PAK1: variants seen among roughly 807,000 people sequenced by gnomAD.
PAK1 encodes serine/threonine-protein kinase PAK 1.
Under a neutral mutation model 67.4 loss-of-function variants are expected in PAK1, and 29 were observed. The observed-to-expected ratio is 0.43, with a 90% CI of 0.32 to 0.59. PAK1 has a LOEUF of 0.59. Among genes scored for constraint, PAK1 ranks in the 20% least tolerant of loss-of-function variants. The pLI, the probability that PAK1 is intolerant of heterozygous loss-of-function variation, is 0.07. For missense variants in PAK1, 337 were observed against 670.7 expected (o/e 0.50, Z 5.50); for synonymous variants, 223 against 237.4 (o/e 0.94, Z 0.56).
At chr11:77,413,503 G>T (rs1954766560) in intron 1 of PAK1, among the ~76,000 whole-genome samples, 1 of 152,106 alleles carries the variant, frequency 6.6e-6, no homozygotes, top group Non-Finnish European at 1.5e-5. Flanking sequence ...GGCCAACATG[G>T]TGAAACCCCG....
intron 1 of PAK1, among the ~76,000 whole-genome samples, chr11:77,418,238 T>G (rs1955075495): frequency 6.6e-6 from 1 of 152,204 alleles, no homozygotes; most frequent in African/African-American, 2.4e-5. Flanking sequence ...TACTTTCAAT[T>G]TCTATGCTTA....
chr11:77,375,626 G>A (rs1948992930), intron 4 of PAK1, among the ~76,000 whole-genome samples: 2 of 152,128 alleles, frequency 1.3e-5, no homozygotes. Context: ...TGATTGGTAT[G>A]CAAATAATTG....
rs1938770090 is a variant in PAK1 at position 77,323,104 on chromosome 11, T to C, written c.*170A>G. 4 of 1,251,606 alleles carry C rather than the reference T, an allele frequency of 3.2e-6. No homozygotes were observed. Among genetic ancestry groups the C allele is most frequent in the Non-Finnish European group, 4.5e-6 (4 of 881,830 alleles). 77.5% of individuals were successfully genotyped at this position (1,251,606 alleles called of 1,614,324 possible). A position where few individuals can be genotyped will look rare whatever the true frequency, so the allele number is the denominator to read the frequency against. On this transcript the variant is annotated 3_prime_UTR_variant, in exon 15 of 15. Transcript: ENST00000356341. The stretch of plus-strand genomic sequence containing the variant: ...ATCTGATTAGTCATTCAGTTGCAGT[T>C]CTCTTCAATGCTGGACACACGGTTT...
rs1268811290 is a variant in PAK1 at position 77,323,045 on chromosome 11, T to C, written c.*229A>G. 1 of 767,938 alleles carries C rather than the reference T, an allele frequency of 1.3e-6. No individual in the cohort carries two copies. Among genetic ancestry groups the C allele is most frequent in the East Asian group, 2.7e-5 (1 of 37,500 alleles). 47.6% of individuals were successfully genotyped at this position (767,938 alleles called of 1,614,324 possible). A position where few individuals can be genotyped will look rare whatever the true frequency, so the allele number is the denominator to read the frequency against. ...CATAAACCACCCTCATATCCATGAA[T>C]TGGGAGGAAATTCCTTATTTAGAAA... On this transcript the variant is annotated 3_prime_UTR_variant, in exon 15 of 15. Transcript: ENST00000356341.
chr11:77,352,713 G>A (rs1057485793), intron 8 of PAK1, among the ~76,000 whole-genome samples: 3 of 151,738 alleles, frequency 2.0e-5, no homozygotes, highest in Non-Finnish European at 2.9e-5. Flanking sequence ...TATTTTTACC[G>A]TATCTTTTCT....
At chr11:77,392,628 T>C in intron 1 of PAK1, 87 bp from the exon 2 acceptor site, 1 of 1,025,218 alleles carries the variant, frequency 9.8e-7, no homozygotes, top group Non-Finnish European at 1.4e-6. Flanking sequence ...AGAATCAAAA[T>C]TATACAGCCC....
chr11:77,503,180 G>A, the PAK1 span, among the ~76,000 whole-genome samples: 3 of 152,154 alleles, frequency 2.0e-5, no homozygotes, highest in Admixed American at 2.0e-4. Context: ...AAGGGCAATC[G>A]ATGACTATCT....
At chr11:77,506,629 G>A in the PAK1 span, among the ~76,000 whole-genome samples, 1 of 152,182 alleles carries the variant, frequency 6.6e-6, no homozygotes, top group African/African-American at 2.4e-5. Flanking sequence ...GGGAATGGAG[G>A]AGGGGTTGGT....
chr11:77,390,402 T>C (rs1467700403), intron 2 of PAK1, among the ~76,000 whole-genome samples: 2 of 152,126 alleles, frequency 1.3e-5, no homozygotes, highest in Non-Finnish European at 2.9e-5. Flanking sequence ...GGTTTCACCA[T>C]GTTGGCCAGG....
chr11:77,392,561 C>A lies in PAK1; in HGVS notation c.-21-20G>T. Reference sequence around the variant, plus strand: ...CAGCTACTAGAATCAGAAATAAGAACAATATAACTCTTTTATTATTTTTGA... The same window carrying A: ...CAGCTACTAGAATCAGAAATAAGAAAAATATAACTCTTTTATTATTTTTGA... On this transcript the variant is annotated intron_variant, in intron 1 of 14. Coordinates refer to ENST00000356341, the MANE Select transcript of PAK1 (RefSeq NM_002576.5). 2 of 1,502,938 alleles carry A rather than the reference C, an allele frequency of 1.3e-6. No homozygotes were observed. The highest frequency in any genetic ancestry group is 9.0e-7 in the Non-Finnish European group (1 of 1,113,052). The allele number at this position is 1,502,938 out of a possible 1,614,324, so 93.1% of individuals were successfully genotyped here. A position where few individuals can be genotyped will look rare whatever the true frequency, so the allele number is the denominator to read the frequency against.
chr11:77,353,314 G>C (rs1945539340), intron 8 of PAK1: 1 of 470,172 alleles, frequency 2.1e-6, no homozygotes, highest in Non-Finnish European at 3.8e-6. Context: ...TGTCACTGCA[G>C]GGGTATTTTT....
intron 4 of PAK1, among the ~76,000 whole-genome samples, chr11:77,375,572 C>A (rs1948987154): frequency 6.6e-6 from 1 of 152,176 alleles, no homozygotes; most frequent in Admixed American, 6.5e-5. Context: ...GTGTGTCCTA[C>A]TTTCTAAAGC....
intron 1 of PAK1, among the ~76,000 whole-genome samples, chr11:77,438,908 C>T (rs906286870): frequency 6.6e-6 from 1 of 152,132 alleles, no homozygotes; most frequent in African/African-American, 2.4e-5. Flanking sequence ...AACCACTCAC[C>T]CACAAAGACA....
chr11:77,347,425 A>T (rs917574056), intron 9 of PAK1, among the ~76,000 whole-genome samples: 1 of 152,234 alleles, frequency 6.6e-6, no homozygotes, highest in East Asian at 1.9e-4. Context: ...AAAAAAAGTT[A>T]TCTATACACC....
At chr11:77,335,325 C>A (rs1198487872) in intron 13 of PAK1, among the ~76,000 whole-genome samples, 2 of 152,186 alleles carry the variant, frequency 1.3e-5, no homozygotes, top group African/African-American at 4.8e-5. Flanking sequence ...TTAAGCCAAA[C>A]TCTACTCCAG....
At chr11:77,481,673 C>CCAAAAAA in the PAK1 span, among the ~76,000 whole-genome samples, 1 of 94,434 alleles carries the variant, frequency 1.1e-5, no homozygotes, top group African/African-American at 4.0e-5. Flanking sequence ...GACTCCATCT[C>CCAAAAAA]AAAAAAAAAA....
At chr11:77,431,396 T>A (rs1345682659) in intron 1 of PAK1, among the ~76,000 whole-genome samples, 1 of 152,148 alleles carries the variant, frequency 6.6e-6, no homozygotes, top group Non-Finnish European at 1.5e-5. Flanking sequence ...ATGAACAGAA[T>A]GAACTGACCT....
At chr11:77,393,992 G>C (rs946809873) in intron 1 of PAK1, among the ~76,000 whole-genome samples, 9 of 152,136 alleles carry the variant, frequency 5.9e-5, no homozygotes, top group African/African-American at 2.2e-4. Flanking sequence ...GACAGAGGGA[G>C]ACTCTGTCTC....
chr11:77,466,821 C>A (rs1957621290), intron 1 of PAK1, among the ~76,000 whole-genome samples: 1 of 152,134 alleles, frequency 6.6e-6, no homozygotes, highest in South Asian at 2.1e-4. Context: ...TCATAAGAAC[C>A]TGGCTTCAGA....
Sources: allele counts gnomAD v4.1 joint callset (sites outside exome capture counted in the v4.1 genomes callset), GRCh38; gene constraint gnomAD v4.1.1; transcripts MANE v1.5; gene names NCBI Gene and HGNC (gene_info 2026-07-23, HGNC 2026-07-21).